RMDN2: variants seen among roughly 807,000 people sequenced by gnomAD.
The protein encoded by RMDN2 is regulator of microtubule dynamics 2.
RMDN2 carries 61 observed loss-of-function variants against 52.8 expected under a neutral mutation model. The observed-to-expected ratio is 1.16, with a 90% confidence interval of 0.94 to 1.43. The LOEUF is 1.43. Ranked by LOEUF, RMDN2 falls within the 40% of genes most tolerant of loss-of-function variation. The pLI, the probability that RMDN2 is intolerant of heterozygous loss-of-function variation, is 0.00. For missense variants in RMDN2, 592 were observed against 475.3 expected, an observed-to-expected ratio of 1.25 and a Z score of -2.28; for synonymous variants, 180 against 153.1, an observed-to-expected ratio of 1.18 and a Z score of -1.30.
intron 1 of RMDN2, among the ~76,000 whole-genome samples, chr2:37,925,648 C>G (rs1440383486): frequency 6.6e-6 from 1 of 152,226 alleles, no homozygotes; most frequent in African/African-American, 2.4e-5. Flanking sequence ...TGACCCTGCG[C>G]CACGGAAGCC....
intron 8 of RMDN2, among the ~76,000 whole-genome samples, chr2:38,000,484 T>C (rs1381499309): frequency 6.6e-6 from 1 of 152,242 alleles, no homozygotes; most frequent in Non-Finnish European, 1.5e-5. Context: ...GAGTTTTCTT[T>C]GCCTCTTTGC....
rs948961593 is a variant in RMDN2, at chr2:37,929,449, A to T, written c.172A>T (p.Ile58Leu). ...TAATTCAATAACTTTGCAAGATGAA[A>T]TACATGATGACCAAGGAACAACAGT... ...TFNSITLQDE[I>L]HDDQGTTVIF... is the part of the protein sequence containing the mutation. The change falls in exon 2 of 11, where the codon ATA becomes TTA. Residue 58 changes from isoleucine (I) to leucine (L), a missense_variant. Ile to Leu is a conservative substitution (Grantham distance 5, BLOSUM62 2). Transcript: ENST00000354545. The T allele has an allele frequency of 1.9e-6, 3 of 1,551,746 alleles. No individual in the cohort carries two copies. The East Asian group carries it at 7.3e-5, about 38-fold the overall frequency.
chr2:37,981,160 T>G, intron 4 of RMDN2, 123 bp from the exon 5 acceptor site: 1 of 710,276 alleles, frequency 1.4e-6, no homozygotes, highest in South Asian at 1.5e-5. Context: ...TTAAACAAAG[T>G]TGCCATGTGA....
rs200577012 is a variant in RMDN2 at position 37,951,826 on chromosome 2, A to T, written c.452+22097A>T. On this transcript the variant is annotated intron_variant, in intron 2 of 10. Transcript: ENST00000354545. ...TCTCCAGCCTTTGGGAACACTATTGATACAGCCTCCTATCAACAAAGCACA... is the reference window on the plus strand; with the variant it reads ...TCTCCAGCCTTTGGGAACACTATTGTTACAGCCTCCTATCAACAAAGCACA... 24 of 1,613,720 alleles carry T rather than the reference A, an allele frequency of 1.5e-5. No individual in the cohort carries two copies. The East Asian group carries it at 4.9e-4, about 33-fold the overall frequency.
chr2:37,991,142 G>A (rs977999248), intron 6 of RMDN2, 78 bp from the exon 7 acceptor site: 1 of 650,720 alleles, frequency 1.5e-6, no homozygotes, highest in African/African-American at 1.8e-5. Context: ...CCACTTTTGA[G>A]TTACTAGGCT....
At chr2:38,023,904 A>C (rs1044459351) in intron 10 of RMDN2, among the ~76,000 whole-genome samples, 1 of 152,208 alleles carries the variant, frequency 6.6e-6, no homozygotes, top group African/African-American at 2.4e-5. Flanking sequence ...TCATCACTTC[A>C]AATGTTTCTT....
intron 10 of RMDN2, among the ~76,000 whole-genome samples, chr2:38,045,866 G>A (rs1681241821): frequency 6.6e-6 from 1 of 152,162 alleles, no homozygotes. Context: ...GCATGTTTAT[G>A]GCCAACAAGT....
Position 37,992,757 on chromosome 2 carries a change from G to A in RMDN2, c.945+1460G>A, listed in dbSNP as rs571589960. ...AGTAGTAATAATGGCTAATGTGTAC[G>A]TGGCTCTTGTAAGCATTTTATGTGA... On this transcript the variant is annotated intron_variant, in intron 7 of 10. Transcript: ENST00000354545. Among the ~76,000 whole-genome samples the A allele has an allele frequency of 6.4e-4, 98 of 152,236 alleles. No individual in the cohort carries two copies. The Middle Eastern group carries it at 0.01, about 16-fold the overall frequency.
chr2:37,997,020 CCT>C (rs1476004554), intron 7 of RMDN2, among the ~76,000 whole-genome samples: 4 of 152,116 alleles, frequency 2.6e-5, no homozygotes, highest in African/African-American at 9.6e-5. Flanking sequence ...TCTTGTAGCC[CCT>C]GTGTGCTGTA....
intron 8 of RMDN2, 47 bp downstream of exon 8, chr2:37,997,561 T>G (rs1372999775): frequency 2.6e-6 from 3 of 1,165,022 alleles, no homozygotes; most frequent in South Asian, 2.5e-5. Context: ...GATTACCATC[T>G]GCACCAATCC....
chr2:37,924,646 C>T (rs967270237), upstream of RMDN2, among the ~76,000 whole-genome samples: 1 of 152,202 alleles, frequency 6.6e-6, no homozygotes, highest in East Asian at 1.9e-4. Flanking sequence ...GGATTACAGG[C>T]GTGACCCACC....
chr2:37,941,709 C>T (rs1667802691), intron 2 of RMDN2, among the ~76,000 whole-genome samples: 2 of 152,174 alleles, frequency 1.3e-5, no homozygotes, highest in Admixed American at 1.3e-4. Flanking sequence ...GGAAAACTGC[C>T]TACTCACGCC....
intron 2 of RMDN2, among the ~76,000 whole-genome samples, chr2:37,942,815 G>A (rs923706065): frequency 1.1e-4 from 16 of 152,184 alleles, no homozygotes; most frequent in Non-Finnish European, 2.2e-4. Context: ...CTGAACTCTG[G>A]AGATCTAGCA....
chr2:37,929,583 G>A lies in RMDN2; in HGVS notation c.306G>A (p.Lys102=). ...EIRFLKEAIP[K]LEEYIQDELG... is the part of the protein sequence containing the mutation. ...GATTTCTTAAAGAAGCTATTCCAAAGCTGGAGGAATATATACAAGATGAAC... is the reference window on the plus strand; with the variant it reads ...GATTTCTTAAAGAAGCTATTCCAAAACTGGAGGAATATATACAAGATGAAC... The change falls in exon 2 of 11, where the codon AAG becomes AAA. Residue 102 remains lysine, a synonymous_variant. Transcript: ENST00000354545. The A allele has an allele frequency of 1.3e-6, 2 of 1,551,806 alleles. No individual in the cohort carries two copies. Among genetic ancestry groups the A allele is most frequent in the Non-Finnish European group, 1.7e-6 (2 of 1,146,950 alleles).
intron 2 of RMDN2, among the ~76,000 whole-genome samples, chr2:37,938,291 G>A (rs1308112284): frequency 6.6e-6 from 1 of 152,114 alleles, no homozygotes; most frequent in East Asian, 1.9e-4. Flanking sequence ...GCTGGATTTG[G>A]TTTGCCAGTA....
intron 10 of RMDN2, among the ~76,000 whole-genome samples, chr2:38,025,884 A>G (rs1679744786): frequency 6.6e-6 from 1 of 152,062 alleles, no homozygotes; most frequent in East Asian, 1.9e-4. Flanking sequence ...TTGCATAAAT[A>G]TTTACAACGG....
At chr2:37,931,507 G>A (rs530005645) in intron 2 of RMDN2, among the ~76,000 whole-genome samples, 46 of 152,342 alleles carry the variant, frequency 3.0e-4, no homozygotes, top group Middle Eastern at 3.4e-3. Context: ...CTGCTAGACT[G>A]AGAGGAAAAA....
intron 2 of RMDN2, among the ~76,000 whole-genome samples, chr2:37,938,779 C>T (rs932854896): frequency 6.6e-6 from 1 of 151,154 alleles, no homozygotes; most frequent in African/African-American, 2.4e-5. Context: ...CTATTTGAGT[C>T]TTCTCTCCTT....
chr2:37,950,534 C>T lies in RMDN2; in HGVS notation c.452+20805C>T, dbSNP rs185137908. The T allele has an allele frequency of 2.7e-3, 4,312 of 1,612,738 alleles. 11 individuals are homozygous for T. The highest frequency in any genetic ancestry group is 3.3e-3 in the Non-Finnish European group (3,912 of 1,178,974). On this transcript the variant is annotated intron_variant, in intron 2 of 10. Transcript: ENST00000354545. ...AGGGCATTTTATGGCTTAAGGATGACGGCCTAGAAGGGAAGGGAGAGACTT... is the reference window on the plus strand; with the variant it reads ...AGGGCATTTTATGGCTTAAGGATGATGGCCTAGAAGGGAAGGGAGAGACTT...
Sources: allele counts gnomAD v4.1 joint callset (sites outside exome capture counted in the v4.1 genomes callset), GRCh38; gene constraint gnomAD v4.1.1; transcripts MANE v1.5; gene names NCBI Gene and HGNC (gene_info 2026-07-23, HGNC 2026-07-21).